IL17RD: variants seen among roughly 807,000 people sequenced by gnomAD.
IL17RD encodes the protein interleukin-17 receptor D.
A neutral mutation model predicts 80.5 loss-of-function variants in IL17RD; 52 were observed. The observed-to-expected ratio is 0.65, with a 90% CI of 0.52 to 0.81. The LOEUF (loss-of-function observed/expected upper bound fraction) is 0.81, where lower values mean the gene tolerates loss of function less well. IL17RD is among the 40% of genes least tolerant of loss of function. The pLI, the probability that IL17RD is intolerant of heterozygous loss-of-function variation, is 0.00. For missense variants in IL17RD, 1,024 were observed against 955.1 expected (o/e 1.07, Z -0.95); for synonymous variants, 416 against 391.8 (o/e 1.06, Z -0.73).
At chr3:57,111,004 C>CA (rs1707084916) in intron 3 of IL17RD, among the ~76,000 whole-genome samples, 1 of 152,248 alleles carries the variant, frequency 6.6e-6, no homozygotes, top group South Asian at 2.1e-4. Context: ...GAGCTCCCCC[C>CA]ACTGCACGTC....
rs1388460896 is a variant in IL17RD at position 57,149,571 on chromosome 3, C to A, written c.126+15590G>T. Among the ~76,000 whole-genome samples the A allele has an allele frequency of 2.6e-5, 4 of 152,284 alleles. No individual in the cohort carries two copies. The East Asian group carries it at 7.7e-4, about 29-fold the overall frequency. ...AGCTGTCCAATAGGGTAGCCTCTAGCCATGTGTGATGATTTAAATTTAAAT... is the reference window on the plus strand; with the variant it reads ...AGCTGTCCAATAGGGTAGCCTCTAGACATGTGTGATGATTTAAATTTAAAT... On this transcript the variant is annotated intron_variant, in intron 1 of 12. Transcript: ENST00000296318.
chr3:57,148,426 G>C (rs78344439), intron 1 of IL17RD, among the ~76,000 whole-genome samples: 5 of 151,876 alleles, frequency 3.3e-5, no homozygotes, highest in Middle Eastern at 3.4e-3. Context: ...TTTTAAATCA[G>C]ATTAACAAAA....
In IL17RD at chr3:57,136,716, T is replaced by C. The variant is rs184355677; in HGVS notation, c.127-16403A>G. On this transcript the variant is annotated intron_variant, in intron 1 of 12. Transcript: ENST00000296318. ...ACTTGCTTTTAGGATTCTCTCCTTC[T>C]CATTTATCCATGAAAAACCTCTGCA... 6.9e-3 allele frequency among the ~76,000 whole-genome samples: 1,025 copies of C among 149,216 alleles called. 7 individuals are homozygous for C. Among genetic ancestry groups the C allele is most frequent in the South Asian group, 0.018 (84 of 4,660 alleles).
chr3:57,117,688 G>A (rs1707246324), intron 2 of IL17RD, among the ~76,000 whole-genome samples: 1 of 152,208 alleles, frequency 6.6e-6, no homozygotes, highest in Admixed American at 6.5e-5. Flanking sequence ...CCAGTCAACT[G>A]AGCAGTAACA....
intron 1 of IL17RD, among the ~76,000 whole-genome samples, chr3:57,135,587 G>A (rs1323699020): frequency 6.6e-6 from 1 of 152,162 alleles, no homozygotes; most frequent in Non-Finnish European, 1.5e-5. Flanking sequence ...TGCATCACAT[G>A]GACTGTGACT....
chr3:57,122,757 TTTTTA>T (rs1309681792), intron 1 of IL17RD, among the ~76,000 whole-genome samples: 3 of 150,754 alleles, frequency 2.0e-5, no homozygotes, highest in Non-Finnish European at 3.0e-5. Context: ...TTTTTTTTTT[TTTTTA>T]AAGAATTTAC....
rs1403872201 is a variant in IL17RD at position 57,109,664 on chromosome 3, G to A, written c.430-7C>T. The A allele has an allele frequency of 7.4e-6, 12 of 1,611,812 alleles. No homozygotes were observed. In the African/African-American group the frequency reaches 1.6e-4, roughly 22 times the overall value. On this transcript the variant is annotated splice_polypyrimidine_tract_variant and splice_region_variant and intron_variant, in intron 4 of 12. Coordinates refer to ENST00000296318, the MANE Select transcript of IL17RD (RefSeq NM_017563.5). ...AAGGTTGAGATTCCATTCCCTAAAA[G>A]GGAACAAAAACACAGTGACATCATG...
At chr3:57,103,439 A>T (rs1187755166) in intron 8 of IL17RD, among the ~76,000 whole-genome samples, 2 of 152,186 alleles carry the variant, frequency 1.3e-5, no homozygotes, top group Non-Finnish European at 1.5e-5. Flanking sequence ...CCCACGTTCT[A>T]ATAATGCTCA....
At chr3:57,111,802 CA>C (rs11397469) in intron 3 of IL17RD, among the ~76,000 whole-genome samples, 2 of 148,850 alleles carry the variant, frequency 1.3e-5, no homozygotes, top group Non-Finnish European at 3.0e-5. Context: ...GCTAAAAATA[CA>C]AAAAAAAAAT....
At chr3:57,136,163 G>A (rs1285554832) in intron 1 of IL17RD, among the ~76,000 whole-genome samples, 1 of 152,152 alleles carries the variant, frequency 6.6e-6, no homozygotes, top group Non-Finnish European at 1.5e-5. Context: ...CATTACAGCC[G>A]TGTGGAAACC....
chr3:57,127,244 AT>A (rs1559476761), intron 1 of IL17RD, among the ~76,000 whole-genome samples: 1 of 97,928 alleles, frequency 1.0e-5, no homozygotes, highest in East Asian at 3.5e-4. Context: ...ATATATAAAT[AT>A]ATATATAAAT....
At chr3:57,128,289 T>C (rs1175845424) in intron 1 of IL17RD, among the ~76,000 whole-genome samples, 3 of 152,120 alleles carry the variant, frequency 2.0e-5, no homozygotes, top group Non-Finnish European at 4.4e-5. Context: ...CTCGGGGAAG[T>C]AGGAAATCAC....
At chr3:57,096,594 G>T (rs1706679474) in intron 12 of IL17RD, 89 bp from the exon 13 acceptor site, 1 of 940,232 alleles carries the variant, frequency 1.1e-6, no homozygotes, top group Non-Finnish European at 1.8e-6. Context: ...CTGGATCTGG[G>T]TTTGGACTAT....
In IL17RD at chr3:57,098,224, G is replaced by A. The variant is rs754681941; in HGVS notation, c.1479C>T (p.Asp493=). 2 of 1,613,800 alleles carry A rather than the reference G, an allele frequency of 1.2e-6. No homozygotes were observed. Among genetic ancestry groups the A allele is most frequent in the Non-Finnish European group, 1.7e-6 (2 of 1,179,866 alleles). ...SCEGDVPGIL[D]LSTKYRLMDN... ...CCATGAGTCTGTACTTGGTACTCAG[G>A]TCTAGGATACCGGGGACGTCTCCCT... is the stretch of plus-strand genomic sequence containing the variant. The change falls in exon 12 of 13, where the codon GAC becomes GAT. Residue 493 remains aspartate, a synonymous_variant. Transcript: ENST00000296318.
rs1047126275 is a variant in IL17RD, at chr3:57,165,225, G to C, written c.62C>G (p.Ser21Trp). The part of the protein sequence containing the change: ...FFTVNACLNG[S>W]QLAVAAGGSG... ...CCCGCCAGCGGCCACAGCCAGCTGC[G>C]AGCCGTTGAGGCAGGCGTTGACCGT... Residue 21 changes from serine (S) to tryptophan (W), a missense_variant, in exon 1 of 13, where the codon TCG becomes TGG. Transcript: ENST00000296318. The C allele has an allele frequency of 1.3e-6, 2 of 1,531,602 alleles. No homozygotes were observed. Among genetic ancestry groups the C allele is most frequent in the Non-Finnish European group, 1.8e-6 (2 of 1,139,596 alleles). 94.9% of individuals were successfully genotyped at this position (1,531,602 alleles called of 1,614,324 possible).
At chr3:57,136,598 G>C (rs1203166410) in intron 1 of IL17RD, among the ~76,000 whole-genome samples, 5 of 135,752 alleles carry the variant, frequency 3.7e-5, no homozygotes, top group African/African-American at 1.4e-4. Flanking sequence ...CTGGGAAACA[G>C]AGCAAAGCTC....
intron 1 of IL17RD, among the ~76,000 whole-genome samples, chr3:57,122,231 A>G (rs1290752180): frequency 6.6e-6 from 1 of 152,240 alleles, no homozygotes; most frequent in Non-Finnish European, 1.5e-5. Flanking sequence ...AACAAGGAGA[A>G]GGATAACTGG....
At position 57,127,375 on chromosome 3, in the gene IL17RD, T is replaced by TAA. The variant is rs1553625658; in HGVS notation, c.127-7063_127-7062insTT. Among the ~76,000 whole-genome samples, 10 of 75,386 alleles carry TAA rather than the reference T, an allele frequency of 1.3e-4. 1 individual carries two copies. The highest frequency in any genetic ancestry group is 6.1e-4 in the African/African-American group (9 of 14,774). The allele number at this position is 75,386 out of a possible 152,430, so 49.5% of individuals were successfully genotyped here. On this transcript the variant is annotated intron_variant, in intron 1 of 12. Transcript: ENST00000296318. The stretch of plus-strand genomic sequence containing the variant: ...ATATATATAAATATAAATATATATA[T>TAA]ATAAATAAATAAATAAATAAATATA...
upstream of IL17RD, among the ~76,000 whole-genome samples, chr3:57,166,940 T>G (rs2060351179): frequency 6.6e-6 from 1 of 152,214 alleles, no homozygotes; most frequent in Non-Finnish European, 1.5e-5. Flanking sequence ...TCCACCACCC[T>G]GCCCACACGT....
Sources: gnomAD v4.1 joint callset for allele counts (sites outside exome capture counted in the v4.1 genomes callset) on GRCh38, gnomAD v4.1.1 for gene constraint, MANE v1.5 for transcripts, NCBI Gene and HGNC (gene_info 2026-07-23, HGNC 2026-07-21) for gene names.